The following ADCY9 variants were observed in gnomAD, a reference collection of about 807,000 sequenced individuals.
ADCY9 encodes the protein adenylate cyclase 9, also known as adenylate cyclase type 9.
Under a neutral mutation model 101.5 loss-of-function variants are expected in ADCY9, and 50 were observed. The ratio of observed to expected loss-of-function variants is 0.49; its 90% CI spans 0.39 to 0.62. The LOEUF is 0.62. ADCY9 is among the 20% of genes least tolerant of loss of function. The pLI, the probability that ADCY9 is intolerant of heterozygous loss-of-function variation, is 0.00. For synonymous variants in ADCY9, 905 were observed against 769.3 expected (o/e 1.18, Z -2.92); for missense variants, 1,662 against 1,800.4 (o/e 0.92, Z 1.39).
chr16:3,967,384 C>A (rs1347654580), intron 10 of ADCY9, among the ~76,000 whole-genome samples: 1 of 151,034 alleles, frequency 6.6e-6, no homozygotes, highest in Non-Finnish European at 1.5e-5. Context: ...TTTCAAAAAT[C>A]TTTTCTTTTC....
chr16:4,000,555 A>G (rs530129975), intron 3 of ADCY9, among the ~76,000 whole-genome samples: 1 of 152,378 alleles, frequency 6.6e-6, no homozygotes, highest in South Asian at 2.1e-4. Flanking sequence ...AGTAATTATC[A>G]CAGAAAAAGA....
chr16:4,014,651 C>T (rs988968375), intron 2 of ADCY9, among the ~76,000 whole-genome samples: 9 of 152,052 alleles, frequency 5.9e-5, no homozygotes, highest in African/African-American at 2.2e-4. Flanking sequence ...TTTTGCCATG[C>T]TGGACAGGCT....
At chr16:4,082,916 C>T (rs2056914467) in intron 2 of ADCY9, among the ~76,000 whole-genome samples, 1 of 152,216 alleles carries the variant, frequency 6.6e-6, no homozygotes, top group Non-Finnish European at 1.5e-5. Flanking sequence ...GCTTAGTTTC[C>T]ATGCCAGTAA....
chr16:4,078,413 A>T (rs1293810165), intron 2 of ADCY9, among the ~76,000 whole-genome samples: 1 of 152,048 alleles, frequency 6.6e-6, no homozygotes, highest in African/African-American at 2.4e-5. Flanking sequence ...ATACTTAAAA[A>T]TTAGCCAGGT....
intron 2 of ADCY9, among the ~76,000 whole-genome samples, chr16:4,100,005 C>A (rs1218485169): frequency 2.0e-5 from 3 of 152,136 alleles, no homozygotes; most frequent in Non-Finnish European, 4.4e-5. Context: ...TGTGTCCCCA[C>A]CCAAATCTCA....
At chr16:4,017,845 T>G (rs2141733424) in intron 2 of ADCY9, among the ~76,000 whole-genome samples, 1 of 152,346 alleles carries the variant, frequency 6.6e-6, no homozygotes, top group African/African-American at 2.4e-5. Context: ...CAGCTCTCAC[T>G]ATTGTAGTCC....
chr16:4,044,347 AAAAAAAAC>A (rs976566058), intron 2 of ADCY9, among the ~76,000 whole-genome samples: 99 of 151,966 alleles, frequency 6.5e-4, no homozygotes, highest in East Asian at 5.6e-3. Flanking sequence ...ACTCCATCTC[AAAAAAAAC>A]AAAAAAACAA....
intron 2 of ADCY9, among the ~76,000 whole-genome samples, chr16:4,065,273 G>T (rs1325187302): frequency 2.6e-5 from 4 of 152,128 alleles, no homozygotes; most frequent in African/African-American, 9.7e-5. Context: ...AACCTGCCCC[G>T]AACACGTGCA....
chr16:4,045,187 C>A (rs1179110059), intron 2 of ADCY9, among the ~76,000 whole-genome samples: 1 of 151,972 alleles, frequency 6.6e-6, no homozygotes, highest in Admixed American at 6.6e-5. Flanking sequence ...CCTTGGTAGA[C>A]ACTTGACAAA....
At chr16:4,024,789 C>T (rs2056502951) in intron 2 of ADCY9, among the ~76,000 whole-genome samples, 1 of 151,984 alleles carries the variant, frequency 6.6e-6, no homozygotes. Context: ...AGTACGTGGA[C>T]GGATGAGTGA....
At chr16:4,036,744 G>A (rs1313346970) in intron 2 of ADCY9, among the ~76,000 whole-genome samples, 1 of 152,042 alleles carries the variant, frequency 6.6e-6, no homozygotes, top group East Asian at 1.9e-4. Flanking sequence ...TTATAGGCGG[G>A]AGCCACCATG....
At chr16:3,998,270 G>A (rs567541408) in intron 3 of ADCY9, among the ~76,000 whole-genome samples, 1 of 152,164 alleles carries the variant, frequency 6.6e-6, no homozygotes, top group Non-Finnish European at 1.5e-5. Flanking sequence ...AATTAGCTGG[G>A]CACAGTGGTG....
chr16:3,974,755 G>A, intron 9 of ADCY9, 45 bp from the exon 10 acceptor site: 8 of 1,527,272 alleles, frequency 5.2e-6, no homozygotes, highest in Non-Finnish European at 7.3e-6. Flanking sequence ...GAGCAAAGAA[G>A]GCATTCCACA....
chr16:4,101,303 C>T (rs904115305), intron 2 of ADCY9, among the ~76,000 whole-genome samples: 3 of 121,044 alleles, frequency 2.5e-5, no homozygotes, highest in Non-Finnish European at 5.0e-5. Context: ...TTTTTTGAGA[C>T]AGAGTCTTGC....
At chr16:3,972,141 C>A (rs989751736) in intron 10 of ADCY9, among the ~76,000 whole-genome samples, 9 of 152,124 alleles carry the variant, frequency 5.9e-5, no homozygotes, top group African/African-American at 2.2e-4. Context: ...TGTGTGTTTC[C>A]TATTTTAATA....
rs143537720 is a variant in ADCY9, at chr16:4,022,766, C to T, written c.1694-15208G>A. 1.1e-4 allele frequency among the ~76,000 whole-genome samples: 17 copies of T among 152,128 alleles called. 1 individual carries two copies. The South Asian group carries it at 3.1e-3, about 28-fold the overall frequency. On this transcript the variant is annotated intron_variant, in intron 2 of 10. Transcript: ENST00000294016. The stretch of plus-strand genomic sequence containing the variant: ...CTGTGACTGCACCATTGCACTCCAG[C>T]CTGGGTATCAGAGTAAGACCCTGTC...
intron 10 of ADCY9, among the ~76,000 whole-genome samples, chr16:3,967,348 C>CTTT (rs150666150): frequency 6.6e-6 from 1 of 150,730 alleles, no homozygotes; most frequent in Non-Finnish European, 1.5e-5. Context: ...TTTTCTTTTT[C>CTTT]TTTTTTTTTA....
intron 2 of ADCY9, chr16:4,015,645 A>G (rs942054296): frequency 6.6e-6 from 1 of 152,194 alleles, no homozygotes; most frequent in Admixed American, 6.5e-5. Flanking sequence ...TTTCACTCCA[A>G]TGCTTGACCT....
chr16:3,959,120 G>GAAGGCT (rs2055924155), downstream of ADCY9, among the ~76,000 whole-genome samples: 2 of 152,210 alleles, frequency 1.3e-5, no homozygotes, highest in Middle Eastern at 3.4e-3. Flanking sequence ...CAGCACTTTG[G>GAAGGCT]GAGGCTGAGG....
Sources: allele counts gnomAD v4.1 joint callset (sites outside exome capture counted in the v4.1 genomes callset), GRCh38; gene constraint gnomAD v4.1.1; transcripts MANE v1.5; gene names NCBI Gene and HGNC (gene_info 2026-07-23, HGNC 2026-07-21).